Variants in ZFP3 observed in about 807,000 individuals in gnomAD.
The protein encoded by ZFP3 is zinc finger protein 3 homolog.
A neutral mutation model predicts 36.7 loss-of-function variants in ZFP3; 18 were observed. That is an observed-to-expected ratio of 0.49 (90% CI 0.34 to 0.73). The LOEUF is 0.73. Among genes scored for constraint, ZFP3 ranks in the 30% least tolerant of loss-of-function variants. ZFP3 has a pLI of 0.01. For synonymous variants in ZFP3, 218 were observed against 199.0 expected, an observed-to-expected ratio of 1.10 and a Z score of -0.81; for missense variants, 495 against 599.0, an observed-to-expected ratio of 0.83 and a Z score of 1.81.
rs2072152026 is a variant in ZFP3, at chr17:5,091,903, A to T, written c.399A>T (p.Arg133Ser). The change falls in exon 2 of 2, where the codon AGA (arginine) becomes AGT (serine). Residue 133 changes from arginine (R) to serine (S), a missense_variant. Arg to Ser is a moderately radical substitution (Grantham distance 110). Coordinates refer to ENST00000318833, the MANE Select transcript of ZFP3 (RefSeq NM_153018.3). ...TTTTAGAATCTAACAAAACACAGAG[A>T]AGTTCTGTGGGAGAAAAGCCTCATA... ...LEILESNKTQ[R>S]SSVGEKPHTC... The T allele has an allele frequency of 1.2e-6, 2 of 1,614,118 alleles. No individual in the cohort carries two copies. Among genetic ancestry groups the T allele is most frequent in the Admixed American group, 3.3e-5 (2 of 60,010 alleles).
rs2072158483 is a variant in ZFP3 at position 5,092,931 on chromosome 17, C to G, written c.1427C>G (p.Pro476Arg). 1 of 1,613,814 alleles carries G rather than the reference C, an allele frequency of 6.2e-7. No individual in the cohort carries two copies. The highest frequency in any genetic ancestry group is 8.5e-7 in the Non-Finnish European group (1 of 1,179,980). ...IHQRIHTGEKPYECQECQKTF... is the reference protein window; with the variant it reads ...IHQRIHTGEKRYECQECQKTF... Reference sequence around the variant, plus strand: ...CAGAGAATTCACACTGGAGAGAAGCCTTATGAGTGCCAAGAATGTCAGAAG... The same window carrying G: ...CAGAGAATTCACACTGGAGAGAAGCGTTATGAGTGCCAAGAATGTCAGAAG... The change falls in exon 2 of 2, where the codon CCT (proline) becomes CGT (arginine). Residue 476 changes from proline to arginine, a missense_variant. Transcript: ENST00000318833. The surrounding 1 kb of genome is among the most constrained non-coding windows in gnomAD (Gnocchi z 5.0).
Position 5,095,877 on chromosome 17 carries a change from T to C in ZFP3, c.*2864T>C, listed in dbSNP as rs2072178598. 6.0e-6 allele frequency: 1 copy of C among 166,968 alleles called. No individual in the cohort carries two copies. The highest frequency in any genetic ancestry group is 6.6e-5 in the Admixed American group (1 of 15,244). The allele number at this position is 166,968 out of a possible 1,614,324, so 10.3% of individuals were successfully genotyped here. On this transcript the variant is annotated 3_prime_UTR_variant, in exon 2 of 2. Transcript: ENST00000318833. ...ATTAGGAGGCAATTTAGTGACCTGT[T>C]GTACCTGACCATGTTCTTAAGGGGG...
At chr17:5,086,222 A>G (rs1450119264) in intron 1 of ZFP3, among the ~76,000 whole-genome samples, 7 of 152,106 alleles carry the variant, frequency 4.6e-5, no homozygotes. Context: ...CCAGTAGGAG[A>G]TCAGGTTCCT....
At position 5,096,247 on chromosome 17, in the gene ZFP3, CTAAA is replaced by C. The variant is rs1597909857; in HGVS notation, c.*3237_*3240del. On this transcript the variant is annotated 3_prime_UTR_variant, in exon 2 of 2. Coordinates refer to ENST00000318833, the MANE Select transcript of ZFP3 (RefSeq NM_153018.3). ...CAGGCCTCAATCTTAAAAGTCCTATCTAAATACCCAGAAATACCCTTCAGAATTT... is the reference window on the plus strand; with the variant it reads ...CAGGCCTCAATCTTAAAAGTCCTATCTACCCAGAAATACCCTTCAGAATTT... 1.2e-5 allele frequency: 2 copies of C among 167,084 alleles called. No individual in the cohort carries two copies. Among genetic ancestry groups the C allele is most frequent in the African/African-American group, 2.4e-5 (1 of 41,450 alleles). 10.4% of individuals were successfully genotyped at this position (167,084 alleles called of 1,614,324 possible).
At chr17:5,090,040 C>T (rs1240341673) in intron 1 of ZFP3, among the ~76,000 whole-genome samples, 3 of 152,040 alleles carry the variant, frequency 2.0e-5, no homozygotes, top group Non-Finnish European at 4.4e-5. Flanking sequence ...ATGTAATGAT[C>T]AACAGCATTG....
intron 1 of ZFP3, among the ~76,000 whole-genome samples, chr17:5,085,171 C>T (rs1291587423): frequency 1.3e-5 from 2 of 151,964 alleles, no homozygotes; most frequent in Non-Finnish European, 2.9e-5. Flanking sequence ...TCCCCAGTAA[C>T]TGGGACTACA....
intron 1 of ZFP3, among the ~76,000 whole-genome samples, chr17:5,083,567 G>GT (rs1669912035): frequency 6.7e-6 from 1 of 149,206 alleles, no homozygotes; most frequent in South Asian, 2.1e-4. Context: ...AAAAGACTTT[G>GT]TAACAGTGGT....
intron 1 of ZFP3, among the ~76,000 whole-genome samples, chr17:5,087,474 T>C (rs2072127587): frequency 6.6e-6 from 1 of 152,204 alleles, no homozygotes; most frequent in African/African-American, 2.4e-5. Flanking sequence ...CTTTATCTTC[T>C]TGGCTCATTC....
At position 5,092,552 on chromosome 17, in the gene ZFP3, TCA is replaced by T; in HGVS notation, c.1049_1050del (p.Ser350Ter). On this transcript the variant is annotated frameshift_variant, in exon 2 of 2. Transcript: ENST00000318833. LOFTEE classifies it high-confidence loss of function. The surrounding 1 kb of genome is among the most constrained non-coding windows in gnomAD (Gnocchi z 5.0). Reference protein sequence around the residue: ...NECGKTFGQNSEIIRHIRIHT... With the variant: ...NECGKTFGQNXEIIRHIRIHT... ...ATGTGGGAAAACTTTTGGCCAGAAC[TCA>T]GAGATTATTAGACATATTAGAATTC... 6.2e-7 allele frequency: 1 copy of T among 1,614,166 alleles called. No homozygotes were observed. Among genetic ancestry groups the T allele is most frequent in the Non-Finnish European group, 8.5e-7 (1 of 1,180,034 alleles).
In ZFP3 at chr17:5,093,131, G is replaced by A. The variant is rs2072159713; in HGVS notation, c.*118G>A. On this transcript the variant is annotated 3_prime_UTR_variant, in exon 2 of 2. Transcript: ENST00000318833. The stretch of plus-strand genomic sequence containing the variant: ...CCAATGAATGGACAGAACCTCCTCT[G>A]TCCTCCCACTGATTTTAAATAGTTG... 1 of 1,079,886 alleles carries A rather than the reference G, an allele frequency of 9.3e-7. No individual in the cohort carries two copies. The highest frequency in any genetic ancestry group is 2.0e-5 in the South Asian group (1 of 49,074). The allele number at this position is 1,079,886 out of a possible 1,614,324, so 66.9% of individuals were successfully genotyped here.
At chr17:5,082,554 C>A (rs765100321) in intron 1 of ZFP3, among the ~76,000 whole-genome samples, 3 of 151,986 alleles carry the variant, frequency 2.0e-5, no homozygotes, top group Non-Finnish European at 4.4e-5. Flanking sequence ...GAGACAGGGT[C>A]TCTTATTCTG....
In ZFP3 at chr17:5,095,370, T is replaced by C. The variant is rs763270181; in HGVS notation, c.*2357T>C. ...ATTACAAGTGAAGTGCGCCGTCTTATTCCTTTTTCATTGCTGGAGCACAAA... is the reference window on the plus strand; with the variant it reads ...ATTACAAGTGAAGTGCGCCGTCTTACTCCTTTTTCATTGCTGGAGCACAAA... On this transcript the variant is annotated 3_prime_UTR_variant, in exon 2 of 2. Coordinates refer to ENST00000318833, the MANE Select transcript of ZFP3 (RefSeq NM_153018.3). The C allele has an allele frequency of 5.4e-5, 9 of 167,116 alleles. No individual in the cohort carries two copies. The highest frequency in any genetic ancestry group is 2.1e-4 in the South Asian group (1 of 4,830). The allele number at this position is 167,116 out of a possible 1,614,324, so 10.4% of individuals were successfully genotyped here.
At chr17:5,083,799 C>G (rs948276303) in intron 1 of ZFP3, among the ~76,000 whole-genome samples, 1 of 152,162 alleles carries the variant, frequency 6.6e-6, no homozygotes, top group Non-Finnish European at 1.5e-5. Context: ...GCCATGATTT[C>G]AGGGCTCCTA....
Position 5,092,308 on chromosome 17 carries a change from T to C in ZFP3, c.804T>C (p.Leu268=). 1.2e-6 allele frequency: 2 copies of C among 1,614,118 alleles called. No individual in the cohort carries two copies. The highest frequency in any genetic ancestry group is 2.7e-5 in the African/African-American group (2 of 75,034). Residue 268 remains leucine (L), a synonymous_variant, in exon 2 of 2, where the codon CTT becomes CTC. Transcript: ENST00000318833. This position sits in a 1 kb window ranked among gnomAD's most constrained non-coding sequence, Gnocchi z 5.0. The part of the protein sequence containing the change: ...CGKTFRVSSQ[L]IQHQRIHTEE... ...AGACCTTTAGGGTTAGTTCACAGCT[T>C]ATTCAGCATCAGAGAATTCATACTG...
rs796692881 is a variant in ZFP3 at position 5,082,020 on chromosome 17, T to C, written c.-9+3445T>C. Among the ~76,000 whole-genome samples the C allele has an allele frequency of 2.9e-4, 42 of 146,696 alleles. 1 individual carries two copies. The Middle Eastern group carries it at 0.01, about 37-fold the overall frequency. ...TGAGGTCAGGAGTTTGAGACCAGCC[T>C]GGCCAACATGGTGAAACCCCGCCTC... On this transcript the variant is annotated intron_variant, in intron 1 of 1. Transcript: ENST00000318833.
In ZFP3 at chr17:5,094,924, T is replaced by G. The variant is rs184718339; in HGVS notation, c.*1911T>G. On this transcript the variant is annotated 3_prime_UTR_variant, in exon 2 of 2. Coordinates refer to ENST00000318833, the MANE Select transcript of ZFP3 (RefSeq NM_153018.3). The stretch of plus-strand genomic sequence containing the variant: ...GGTATTCTTACCCCAATTTAAAAGA[T>G]AAGAAGGGGCAGTGTTAAGTAATTG... 6.0e-6 allele frequency: 1 copy of G among 167,218 alleles called. No individual in the cohort carries two copies. Among genetic ancestry groups the G allele is most frequent in the African/African-American group, 2.4e-5 (1 of 41,574 alleles). 10.4% of individuals were successfully genotyped at this position (167,218 alleles called of 1,614,324 possible). A position where few individuals can be genotyped will look rare whatever the true frequency, so the allele number is the denominator to read the frequency against.
At chr17:5,081,658 G>C (rs957075916) in intron 1 of ZFP3, among the ~76,000 whole-genome samples, 6 of 151,428 alleles carry the variant, frequency 4.0e-5, no homozygotes, top group African/African-American at 1.5e-4. Flanking sequence ...CTGGAGTGCA[G>C]TGGTGCGATC....
intron 1 of ZFP3, among the ~76,000 whole-genome samples, chr17:5,080,062 A>G (rs1425293867): frequency 1.3e-5 from 2 of 151,826 alleles, no homozygotes; most frequent in Non-Finnish European, 2.9e-5. Context: ...AAAAATAGGT[A>G]TCGTGGTTTC....
rs895047590 is a variant in ZFP3, at chr17:5,092,042, A to G, written c.538A>G (p.Thr180Ala). ...TAAAGAATGTGGAAAGACATTTGGA[A>G]CTAATTCAAGCCTTCGACGGCACCT... The part of the protein sequence containing the change: ...ECKECGKTFG[T>A]NSSLRRHLRI... The change falls in exon 2 of 2, where the codon ACT (threonine) becomes GCT (alanine). Residue 180 changes from threonine (T) to alanine (A), a missense_variant. By Grantham distance (58) the Thr-to-Ala change is moderately conservative (BLOSUM62 0). Coordinates refer to ENST00000318833, the MANE Select transcript of ZFP3 (RefSeq NM_153018.3). This position sits in a 1 kb window ranked among gnomAD's most constrained non-coding sequence, Gnocchi z 5.0. 3 of 1,614,232 alleles carry G rather than the reference A, an allele frequency of 1.9e-6. No individual in the cohort carries two copies. The highest frequency in any genetic ancestry group is 2.5e-6 in the Non-Finnish European group (3 of 1,180,034).
Sources: allele counts gnomAD v4.1 joint callset (sites outside exome capture counted in the v4.1 genomes callset), GRCh38; gene constraint gnomAD v4.1.1; non-coding constraint Gnocchi (gnomAD v3.1); transcripts MANE v1.5; gene names NCBI Gene and HGNC (gene_info 2026-07-23, HGNC 2026-07-21).